PLPP5: variants seen among roughly 807,000 people sequenced by gnomAD.
PLPP5 encodes phospholipid phosphatase 5, also known as diacylglycerol pyrophosphate like 1.
PLPP5 carries 29 observed loss-of-function variants against 23.6 expected under a neutral mutation model. The ratio of observed to expected loss-of-function variants is 1.23; its 90% CI spans 0.92 to 1.68. PLPP5 has a LOEUF of 1.68. PLPP5 is among the 40% of genes most tolerant of loss of function. PLPP5 has a pLI of 0.00. For synonymous variants in PLPP5, 143 were observed against 131.3 expected, an observed-to-expected ratio of 1.09 and a Z score of -0.61; for missense variants, 315 against 332.1, an observed-to-expected ratio of 0.95 and a Z score of 0.40.
At chr8:38,266,060 G>A in intron 6 of PLPP5, 81 bp downstream of exon 6, 6 of 1,296,316 alleles carry the variant, frequency 4.6e-6, no homozygotes, top group Admixed American at 4.5e-5. Flanking sequence ...CAGATATTTA[G>A]TAAGCATCTC....
intron 4 of PLPP5, 138 bp downstream of exon 4, chr8:38,267,759 T>C (rs1408690800): frequency 7.6e-6 from 7 of 923,212 alleles, no homozygotes; most frequent in African/African-American, 6.6e-5. Flanking sequence ...GGAGTAAGCG[T>C]TGAATGACAA....
At chr8:38,264,857 A>G in intron 6 of PLPP5, 1 of 1,606,878 alleles carries the variant, frequency 6.2e-7, no homozygotes, top group Non-Finnish European at 8.5e-7. Context: ...AGCTTTGTTC[A>G]GAGTGTACTA....
chr8:38,267,805 TGAGA>T, intron 4 of PLPP5, 88 bp downstream of exon 4: 1 of 1,268,100 alleles, frequency 7.9e-7, no homozygotes, highest in Non-Finnish European at 1.1e-6. Context: ...GAGAAAAGAA[TGAGA>T]AAGACGTGTG....
intron 3 of PLPP5, 70 bp downstream of exon 3, chr8:38,268,301 T>A: frequency 7.3e-7 from 1 of 1,376,424 alleles, no homozygotes; most frequent in Non-Finnish European, 1.0e-6. Context: ...AGGCTCACCG[T>A]GGCTGAATCC....
At chr8:38,264,671 C>T in intron 6 of PLPP5, 67 bp from the exon 7 acceptor site, 1 of 1,469,754 alleles carries the variant, frequency 6.8e-7, no homozygotes, top group South Asian at 1.4e-5. Context: ...ATACACATAG[C>T]ATAGAGGACC....
chr8:38,268,714 C>G, intron 2 of PLPP5, 168 bp downstream of exon 2: 2 of 1,433,484 alleles, frequency 1.4e-6, no homozygotes, highest in Non-Finnish European at 1.8e-6. Flanking sequence ...ACACCCTCCT[C>G]TCTCAATCAG....
intron 2 of PLPP5, 128 bp from the exon 3 acceptor site, chr8:38,268,589 G>A (rs1808100422): frequency 3.4e-6 from 5 of 1,455,000 alleles, no homozygotes; most frequent in South Asian, 2.8e-5. Context: ...GCGCGTAACC[G>A]GGCGCCAGGC....
At chr8:38,268,303 G>A in intron 3 of PLPP5, 68 bp downstream of exon 3, 1 of 1,389,244 alleles carries the variant, frequency 7.2e-7, no homozygotes, top group African/African-American at 1.4e-5. Flanking sequence ...GCTCACCGTG[G>A]CTGAATCCCA....
In PLPP5 at chr8:38,264,079, C is replaced by T; in HGVS notation, c.*365G>A. 1 of 990,660 alleles carries T rather than the reference C, an allele frequency of 1.0e-6. No homozygotes were observed. Among genetic ancestry groups the T allele is most frequent in the Non-Finnish European group, 1.2e-6 (1 of 833,528 alleles). 61.4% of individuals were successfully genotyped at this position (990,660 alleles called of 1,614,324 possible). A position where few individuals can be genotyped will look rare whatever the true frequency, so the allele number is the denominator to read the frequency against. ...TGCACCTTGGAAGGGGAAAAAAAGG[C>T]TAGAATTTCTTGTCTTGTGCATGGT... On this transcript the variant is annotated 3_prime_UTR_variant, in exon 7 of 7. Coordinates refer to ENST00000424479, the MANE Select transcript of PLPP5 (RefSeq NM_001102559.2).
At chr8:38,268,658 G>T (rs1808123577) in intron 2 of PLPP5, 197 bp from the exon 3 acceptor site, 6 of 1,433,318 alleles carry the variant, frequency 4.2e-6, no homozygotes, top group Non-Finnish European at 5.5e-6. Context: ...TCAGGCTGAG[G>T]CACAGAGCGC....
intron 5 of PLPP5, 65 bp from the exon 6 acceptor site, chr8:38,266,376 TAGG>T (rs1350471680): frequency 7.3e-7 from 1 of 1,361,570 alleles, no homozygotes; most frequent in South Asian, 1.3e-5. Flanking sequence ...CATCCCCACA[TAGG>T]AGGCTAGGAA....
At chr8:38,266,400 G>A (rs1046250319) in intron 5 of PLPP5, 89 bp from the exon 6 acceptor site, 3 of 1,208,236 alleles carry the variant, frequency 2.5e-6, no homozygotes, top group Non-Finnish European at 3.5e-6. Flanking sequence ...GCATGAGTAT[G>A]TTTTTATTTA....
chr8:38,267,578 A>G (rs966910754), intron 4 of PLPP5, 187 bp from the exon 5 acceptor site: 16 of 695,120 alleles, frequency 2.3e-5, no homozygotes, highest in Middle Eastern at 4.0e-4. Context: ...AAATTAGGGG[A>G]AAAACGCCCA....
chr8:38,264,558 G>A lies in PLPP5; in HGVS notation c.681C>T (p.Cys227=). 6.3e-7 allele frequency: 1 copy of A among 1,584,928 alleles called. No homozygotes were observed. Among genetic ancestry groups the A allele is most frequent in the Non-Finnish European group, 8.6e-7 (1 of 1,164,596 alleles). The change falls in exon 7 of 7, where the codon TGC becomes TGT. Residue 227 remains cysteine (C), a synonymous_variant. Transcript: ENST00000424479. ...TCAGAGGAGGATAATACTGCCGATA[G>A]CAGACATAGGCAAATGTCATTCCAA... ...SMIGMTFAYV[C]YRQYYPPLTD...
rs1215694129 is a variant in PLPP5 at position 38,264,129 on chromosome 8, G to A, written c.*315C>T. ...TCCGGTTAGGAGGGCTAGTTCACCT[G>A]TTCTCTATTGAGATAGATTCAATTT... On this transcript the variant is annotated 3_prime_UTR_variant, in exon 7 of 7. Coordinates refer to ENST00000424479, the MANE Select transcript of PLPP5 (RefSeq NM_001102559.2). The A allele has an allele frequency of 7.9e-6, 8 of 1,013,360 alleles. No homozygotes were observed. Among genetic ancestry groups the A allele is most frequent in the Non-Finnish European group, 9.4e-6 (8 of 848,210 alleles). 62.8% of individuals were successfully genotyped at this position (1,013,360 alleles called of 1,614,324 possible).
intron 2 of PLPP5, 147 bp downstream of exon 2, chr8:38,268,735 A>G (rs1808146604): frequency 7.0e-7 from 1 of 1,430,510 alleles, no homozygotes; most frequent in Non-Finnish European, 9.1e-7. Context: ...GATCTTAAAC[A>G]CTCGAGCCCT....
intron 4 of PLPP5, 90 bp from the exon 5 acceptor site, chr8:38,267,481 T>C: frequency 6.7e-7 from 1 of 1,496,412 alleles, no homozygotes. Context: ...CTGTTAACTA[T>C]TGGTCAAATA....
chr8:38,267,239 T>G, intron 5 of PLPP5, 28 bp downstream of exon 5: 1 of 1,613,896 alleles, frequency 6.2e-7, no homozygotes, highest in Non-Finnish European at 8.5e-7. Context: ...AAAACAAGCA[T>G]AGGGTAGAGT....
At chr8:38,266,439 C>T (rs926415052) in intron 5 of PLPP5, 128 bp from the exon 6 acceptor site, 11 of 947,232 alleles carry the variant, frequency 1.2e-5, no homozygotes, top group East Asian at 8.1e-5. Context: ...CTTGCTCTGT[C>T]GCCCAGGCTG....
Sources: allele counts gnomAD v4.1 joint callset, GRCh38; gene constraint gnomAD v4.1.1; transcripts MANE v1.5; gene names NCBI Gene and HGNC (gene_info 2026-07-23, HGNC 2026-07-21).